HHAT: variants seen among roughly 807,000 people sequenced by gnomAD.
The protein encoded by HHAT is hedgehog acyltransferase, also known as protein-cysteine N-palmitoyltransferase HHAT.
In HHAT, 47 loss-of-function variants were observed where a neutral mutation model predicts 70.8. That is an observed-to-expected ratio of 0.66 (90% CI 0.53 to 0.85). The LOEUF (loss-of-function observed/expected upper bound fraction) is 0.85, where lower values mean the gene tolerates loss of function less well. Ranked by LOEUF, HHAT falls within the 40% of genes least tolerant of loss-of-function variation. HHAT has a pLI of 0.00. For synonymous variants in HHAT, 228 were observed against 247.6 expected (o/e 0.92, Z 0.74); for missense variants, 609 against 604.8 (o/e 1.01, Z -0.07).
intron 10 of HHAT, among the ~76,000 whole-genome samples, chr1:210,593,999 T>C (rs1662358360): frequency 6.6e-6 from 1 of 152,172 alleles, no homozygotes; most frequent in Admixed American, 6.6e-5. Flanking sequence ...ATGTTCTTTT[T>C]TGGTTTCCAT....
chr1:210,448,299 C>G (rs1037886068), intron 7 of HHAT, among the ~76,000 whole-genome samples: 4 of 152,006 alleles, frequency 2.6e-5, no homozygotes, highest in African/African-American at 9.7e-5. Flanking sequence ...CCAGGCTGGT[C>G]TTGAACTCCT....
intron 7 of HHAT, among the ~76,000 whole-genome samples, chr1:210,459,642 G>A (rs2093939790): frequency 6.6e-6 from 1 of 152,158 alleles, no homozygotes; most frequent in African/African-American, 2.4e-5. Context: ...TTGCTCAAAT[G>A]TTCTCATTTG....
At chr1:210,546,257 A>AT (rs2095482440) in intron 9 of HHAT, among the ~76,000 whole-genome samples, 1 of 152,236 alleles carries the variant, frequency 6.6e-6, no homozygotes, top group Non-Finnish European at 1.5e-5. Flanking sequence ...GTTTACCTGA[A>AT]TGTGATGTAT....
At chr1:210,401,398 A>G (rs2092067025) in intron 5 of HHAT, among the ~76,000 whole-genome samples, 1 of 152,206 alleles carries the variant, frequency 6.6e-6, no homozygotes, top group South Asian at 2.1e-4. Context: ...TACAGGTATA[A>G]GCCATTGTGC....
At chr1:210,530,594 G>T (rs1320819750) in intron 9 of HHAT, among the ~76,000 whole-genome samples, 1 of 152,178 alleles carries the variant, frequency 6.6e-6, no homozygotes, top group Admixed American at 6.5e-5. Context: ...GGAGCAACGT[G>T]TTCTGGAGAC....
intron 3 of HHAT, among the ~76,000 whole-genome samples, chr1:210,365,316 T>TTTTTTTG (rs2148037608): frequency 9.5e-6 from 1 of 105,466 alleles, no homozygotes; most frequent in South Asian, 3.2e-4. Flanking sequence ...ACAGTTTTTT[T>TTTTTTTG]TTTTTTTTTT....
At chr1:210,623,496 T>C (rs557375977) in intron 10 of HHAT, 30 bp from the exon 11 acceptor site, 6 of 1,612,496 alleles carry the variant, frequency 3.7e-6, no homozygotes, top group Admixed American at 1.7e-5. Context: ...ACCCTTGTCA[T>C]GAGATGCTTT....
At chr1:210,375,987 AC>A (rs1261816642) in intron 3 of HHAT, among the ~76,000 whole-genome samples, 1 of 150,428 alleles carries the variant, frequency 6.6e-6, no homozygotes. Flanking sequence ...AGCTGGGATT[AC>A]AGGCATGTGC....
In HHAT at chr1:210,336,601, T is replaced by C. The variant is rs538505992; in HGVS notation, c.-44+7497T>C. On this transcript the variant is annotated intron_variant, in intron 1 of 11. Transcript: ENST00000261458. ...GAGTTTGAGATCAGCCTGGCCAACA[T>C]AGCAAGATCCTGTCTCTAAACAAGA... Among the ~76,000 whole-genome samples the C allele has an allele frequency of 1.3e-4, 20 of 151,970 alleles. No individual in the cohort carries two copies. The East Asian group carries it at 2.1e-3, about 16-fold the overall frequency.
intron 3 of HHAT, among the ~76,000 whole-genome samples, chr1:210,379,086 C>T (rs768403786): frequency 9.9e-5 from 15 of 152,218 alleles, no homozygotes; most frequent in Non-Finnish European, 1.9e-4. Context: ...TTCCAAGAGC[C>T]ACTGTACACA....
intron 8 of HHAT, among the ~76,000 whole-genome samples, chr1:210,512,333 A>C (rs1572946250): frequency 7.7e-5 from 11 of 142,542 alleles, no homozygotes; most frequent in Admixed American, 1.4e-4. Flanking sequence ...TCCCTGCCCC[A>C]CCCCCCCTCA....
chr1:210,328,969 G>A lies in HHAT; in HGVS notation c.-179G>A, dbSNP rs2084738744. 2 of 1,305,950 alleles carry A rather than the reference G, an allele frequency of 1.5e-6. No homozygotes were observed. The highest frequency in any genetic ancestry group is 2.0e-6 in the Non-Finnish European group (2 of 1,017,252). The allele number at this position is 1,305,950 out of a possible 1,614,324, so 80.9% of individuals were successfully genotyped here. On this transcript the variant is annotated 5_prime_UTR_variant, in exon 1 of 12. Coordinates refer to ENST00000261458, the MANE Select transcript of HHAT (RefSeq NM_018194.6). Reference sequence around the variant, plus strand: ...TGCTCCTCCAAAGGGCAGCTCCGGGGGAAAGAGGGTGGCGTCCCGGGGAAG... The same window carrying A: ...TGCTCCTCCAAAGGGCAGCTCCGGGAGAAAGAGGGTGGCGTCCCGGGGAAG...
intron 1 of HHAT, among the ~76,000 whole-genome samples, chr1:210,345,039 C>T (rs556140515): frequency 6.6e-6 from 1 of 152,348 alleles, no homozygotes. Flanking sequence ...TCTAGACCGT[C>T]TTCCCCATGG....
intron 2 of HHAT, among the ~76,000 whole-genome samples, chr1:210,355,872 A>G (rs778756051): frequency 1.3e-5 from 2 of 152,126 alleles, no homozygotes; most frequent in African/African-American, 4.8e-5. Flanking sequence ...GGTTATTGGT[A>G]TGTTTTCATT....
At chr1:210,409,398 T>C (rs1221870440) in intron 6 of HHAT, among the ~76,000 whole-genome samples, 1 of 152,112 alleles carries the variant, frequency 6.6e-6, no homozygotes, top group East Asian at 1.9e-4. Flanking sequence ...AGTACCAGCC[T>C]TGGTGGCAGC....
intron 3 of HHAT, among the ~76,000 whole-genome samples, chr1:210,364,951 C>T (rs867057179): frequency 2.4e-4 from 37 of 152,316 alleles, no homozygotes; most frequent in Non-Finnish European, 3.1e-4. Context: ...ATCCATTCAT[C>T]TACCAGTGCT....
At chr1:210,468,698 A>T (rs1215278154) in intron 8 of HHAT, among the ~76,000 whole-genome samples, 1 of 152,216 alleles carries the variant, frequency 6.6e-6, no homozygotes, top group Non-Finnish European at 1.5e-5. Context: ...GCTTTGCATT[A>T]GTACTGCCTT....
At chr1:210,491,247 C>T (rs1290067116) in intron 8 of HHAT, among the ~76,000 whole-genome samples, 2 of 152,120 alleles carry the variant, frequency 1.3e-5, no homozygotes, top group East Asian at 1.9e-4. Flanking sequence ...ACTGGCCTCC[C>T]ACCTCACTCT....
intron 8 of HHAT, among the ~76,000 whole-genome samples, chr1:210,467,010 A>C (rs931150602): frequency 1.3e-5 from 2 of 152,206 alleles, no homozygotes; most frequent in Middle Eastern, 3.2e-3. Flanking sequence ...TGTCGTTCTA[A>C]AAAGAGGTGT....
Sources: allele counts gnomAD v4.1 joint callset (sites outside exome capture counted in the v4.1 genomes callset), GRCh38; gene constraint gnomAD v4.1.1; transcripts MANE v1.5; gene names NCBI Gene and HGNC (gene_info 2026-07-23, HGNC 2026-07-21).